Variants in DSCC1 observed in about 807,000 individuals in gnomAD.
DSCC1 encodes the protein sister chromatid cohesion protein DCC1.
A neutral mutation model predicts 48.2 loss-of-function variants in DSCC1; 32 were observed. The observed-to-expected ratio is 0.66, with a 90% CI of 0.50 to 0.89. The LOEUF (loss-of-function observed/expected upper bound fraction) is 0.89. Among genes scored for constraint, DSCC1 ranks in the 40% least tolerant of loss-of-function variants. DSCC1 has a pLI of 0.00. For missense variants in DSCC1, 421 were observed against 471.7 expected (o/e 0.89, Z 1.00); for synonymous variants, 150 against 171.5 (o/e 0.87, Z 0.98).
chr8:119,854,593 T>G (rs191764388), intron 1 of DSCC1, among the ~76,000 whole-genome samples: 3 of 152,334 alleles, frequency 2.0e-5, no homozygotes, highest in Admixed American at 2.0e-4. Context: ...ATACCATCAC[T>G]CCCTACACCC....
chr8:119,852,415 G>T (rs565911488), intron 2 of DSCC1, among the ~76,000 whole-genome samples: 1 of 152,092 alleles, frequency 6.6e-6, no homozygotes, highest in Admixed American at 6.6e-5. Flanking sequence ...GTGCAGTGGC[G>T]TGATCTCGGC....
At position 119,844,725 on chromosome 8, in the gene DSCC1, C is replaced by A. The variant is rs540827016; in HGVS notation, c.578-978G>T. Among the ~76,000 whole-genome samples, 3 of 152,120 alleles carry A rather than the reference C, an allele frequency of 2.0e-5. No homozygotes were observed. The East Asian group carries it at 5.8e-4, about 30-fold the overall frequency. ...ACCATGGCACCCCCTCTCTCCAGTG[C>A]TTTGACATTCAGTTATCTCACAATA... is the stretch of plus-strand genomic sequence containing the variant. On this transcript the variant is annotated intron_variant, in intron 4 of 8. Coordinates refer to ENST00000313655, the MANE Select transcript of DSCC1 (RefSeq NM_024094.3).
chr8:119,855,891 G>A lies in DSCC1; in HGVS notation c.-96C>T. 7.4e-6 allele frequency: 10 copies of A among 1,349,318 alleles called. No homozygotes were observed. The highest frequency in any genetic ancestry group is 9.6e-6 in the Non-Finnish European group (10 of 1,046,638). The allele number at this position is 1,349,318 out of a possible 1,614,324, so 83.6% of individuals were successfully genotyped here. ...CAAGCAGCCGGAAGGTAGGAAACCT[G>A]AGCGTTTGAAAGCGCGCCAAGGCGG... On this transcript the variant is annotated 5_prime_UTR_variant, in exon 1 of 9. Coordinates refer to ENST00000313655, the MANE Select transcript of DSCC1 (RefSeq NM_024094.3).
chr8:119,842,800 A>G lies in DSCC1; in HGVS notation c.745T>C (p.Tyr249His). ...CCTTCATCTACATATTTCTTCCCAT[A>G]ACATTTAAGACAGTGTTCTATCATT... The part of the protein sequence containing the change: ...EEMIEHCLKC[Y>H]GKKYVDEGEV... Residue 249 changes from tyrosine to histidine, a missense_variant, in exon 6 of 9, where the codon TAT becomes CAT. Tyr to His is a moderately conservative substitution (Grantham distance 83, BLOSUM62 2). This residue lies in a region of DSCC1 where 238 missense variants were observed against 259.0 expected (regional missense o/e 0.92). Transcript: ENST00000313655. 1.9e-6 allele frequency: 3 copies of G among 1,604,008 alleles called. No individual in the cohort carries two copies. The highest frequency in any genetic ancestry group is 2.6e-6 in the Non-Finnish European group (3 of 1,176,242).
chr8:119,836,516 A>G (rs1826686216), intron 8 of DSCC1, among the ~76,000 whole-genome samples: 1 of 152,122 alleles, frequency 6.6e-6, no homozygotes, highest in Non-Finnish European at 1.5e-5. Context: ...ACCAGAAGGT[A>G]GGGGAAAGAA....
Position 119,843,695 on chromosome 8 carries a change from T to C in DSCC1, c.630A>G (p.Val210=). 6.2e-7 allele frequency: 1 copy of C among 1,614,058 alleles called. No individual in the cohort carries two copies. Among genetic ancestry groups the C allele is most frequent in the Non-Finnish European group, 8.5e-7 (1 of 1,179,998 alleles). The change falls in exon 5 of 9, where the codon GTA becomes GTG. Residue 210 remains valine, a synonymous_variant. Coordinates refer to ENST00000313655, the MANE Select transcript of DSCC1 (RefSeq NM_024094.3). ...ATGATTCAGAATCCACAAGCTGAGTTACATGATTCAGAAGTTTCATCTCAT... is the reference window on the plus strand; with the variant it reads ...ATGATTCAGAATCCACAAGCTGAGTCACATGATTCAGAAGTTTCATCTCAT... ...FDYEMKLLNH[V]TQLVDSESWS... is the part of the protein sequence containing the mutation.
intron 2 of DSCC1, among the ~76,000 whole-genome samples, chr8:119,850,914 T>C: frequency 6.6e-6 from 1 of 152,210 alleles, no homozygotes; most frequent in East Asian, 1.9e-4. Flanking sequence ...GGTATTATAG[T>C]CTTCAAATAG....
intron 2 of DSCC1, 53 bp downstream of exon 2, chr8:119,852,994 C>T (rs1226806284): frequency 7.7e-6 from 11 of 1,431,474 alleles, no homozygotes; most frequent in South Asian, 6.7e-5. Context: ...ATCAAATTAC[C>T]ATATCTGTTT....
At position 119,838,394 on chromosome 8, in the gene DSCC1, AC is replaced by A. The variant is rs1294568809; in HGVS notation, c.937del (p.Val313TrpfsTer13). On this transcript the variant is annotated frameshift_variant, in exon 8 of 9. Coordinates refer to ENST00000313655, the MANE Select transcript of DSCC1 (RefSeq NM_024094.3). LOFTEE classifies it high-confidence loss of function. ...GATTTCTGGTCTCGAGTGTCTATCC[AC>A]CAGCGCTAAACCCTACAAGAAATGA... ...SLDQLKGLAL[V>X]DRHSRPEIIF... The A allele has an allele frequency of 1.2e-6, 2 of 1,603,388 alleles. No homozygotes were observed. Among genetic ancestry groups the A allele is most frequent in the Non-Finnish European group, 1.7e-6 (2 of 1,176,280 alleles).
intron 4 of DSCC1, among the ~76,000 whole-genome samples, chr8:119,844,940 G>C (rs1260998089): frequency 6.6e-6 from 1 of 152,118 alleles, no homozygotes; most frequent in Non-Finnish European, 1.5e-5. Flanking sequence ...AAGAAGTCCA[G>C]CTCACCAAAG....
chr8:119,844,444 A>AAAG (rs921671912), intron 4 of DSCC1, among the ~76,000 whole-genome samples: 3 of 151,888 alleles, frequency 2.0e-5, no homozygotes, highest in African/African-American at 7.3e-5. Flanking sequence ...CCAAAAAAAA[A>AAAG]AAAAAAAAAG....
intron 1 of DSCC1, among the ~76,000 whole-genome samples, chr8:119,853,474 C>T (rs1343954836): frequency 6.6e-6 from 1 of 151,672 alleles, no homozygotes; most frequent in African/African-American, 2.4e-5. Flanking sequence ...GCCAAGAGGC[C>T]AAATGGCACT....
intron 4 of DSCC1, among the ~76,000 whole-genome samples, chr8:119,844,108 T>C (rs560268172): frequency 1.3e-5 from 2 of 152,064 alleles, no homozygotes; most frequent in East Asian, 1.9e-4. Flanking sequence ...AGCTAATAGA[T>C]TGACAAAGTC....
At chr8:119,840,649 C>G (rs888394376) in intron 7 of DSCC1, among the ~76,000 whole-genome samples, 5 of 152,262 alleles carry the variant, frequency 3.3e-5, no homozygotes, top group Admixed American at 3.3e-4. Flanking sequence ...CAGTGGCTCA[C>G]ATCTATAATC....
intron 7 of DSCC1, among the ~76,000 whole-genome samples, chr8:119,840,972 CATTT>C (rs1182909380): frequency 2.0e-4 from 31 of 151,444 alleles, no homozygotes; most frequent in Middle Eastern, 3.4e-3. Context: ...ATCTGACTAG[CATTT>C]ATTTATTTAT....
chr8:119,834,880 G>C lies in DSCC1; in HGVS notation c.*13C>G. 6.5e-7 allele frequency: 1 copy of C among 1,533,926 alleles called. No homozygotes were observed. Among genetic ancestry groups the C allele is most frequent in the Non-Finnish European group, 9.0e-7 (1 of 1,112,358 alleles). On this transcript the variant is annotated 3_prime_UTR_variant, in exon 9 of 9. Transcript: ENST00000313655. The stretch of plus-strand genomic sequence containing the variant: ...AAAGCAACTTGAGTCCTGAAGAAAA[G>C]ACCGTTGTTCTTTTAAGAAATGGGT...
chr8:119,842,717 A>C (rs1428798293), intron 6 of DSCC1, 59 bp downstream of exon 6: 4 of 1,493,118 alleles, frequency 2.7e-6, no homozygotes, highest in Non-Finnish European at 3.7e-6. Flanking sequence ...GACAGGCTTT[A>C]GAAAGGTATG....
chr8:119,848,505 T>A (rs1287946388), intron 3 of DSCC1, among the ~76,000 whole-genome samples: 1 of 152,134 alleles, frequency 6.6e-6, no homozygotes, highest in Non-Finnish European at 1.5e-5. Flanking sequence ...AATAAGCCCA[T>A]GAAAAGATGT....
intron 1 of DSCC1, among the ~76,000 whole-genome samples, chr8:119,853,575 A>T (rs541346799): frequency 6.6e-6 from 1 of 152,386 alleles, no homozygotes; most frequent in African/African-American, 2.4e-5. Context: ...ACAACATGCT[A>T]AAGTGGTACT....
Sources: allele counts gnomAD v4.1 joint callset (sites outside exome capture counted in the v4.1 genomes callset), GRCh38; gene constraint gnomAD v4.1.1; regional missense constraint gnomAD v4.1.1; transcripts MANE v1.5; gene names NCBI Gene and HGNC (gene_info 2026-07-23, HGNC 2026-07-21).